The following TSPAN19 variants were observed in gnomAD, a reference collection of about 807,000 sequenced individuals.
The protein encoded by TSPAN19 is tetraspanin-19.
Under a neutral mutation model 35.1 loss-of-function variants are expected in TSPAN19, and 44 were observed. The ratio of observed to expected loss-of-function variants is 1.25; its 90% confidence interval spans 0.98 to 1.61. The LOEUF (loss-of-function observed/expected upper bound fraction) is 1.61, where lower values mean the gene tolerates loss of function less well. Ranked by LOEUF, TSPAN19 falls within the 40% of genes most tolerant of loss-of-function variation. The pLI is 0.00. For synonymous variants in TSPAN19, 79 were observed against 92.0 expected (o/e 0.86, Z 0.81); for missense variants, 290 against 280.0 (o/e 1.04, Z -0.26).
Position 85,017,520 on chromosome 12 carries a change from G to C in TSPAN19, c.530C>G (p.Ser177Cys), listed in dbSNP as rs199737105. ...TTTTCTTAAAGTTGACTTTGTGCAA[G>C]AACATGGCACCTGTCCTGAATTTTC... ...NKENSGQVPCSCTKSTLRKWF... is the reference protein window; with the variant it reads ...NKENSGQVPCCCTKSTLRKWF... Residue 177 changes from serine to cysteine, a missense_variant, in exon 7 of 9, where the codon TCT becomes TGT. Physicochemically the swap from Ser to Cys is moderately radical, Grantham distance 112 (BLOSUM62 -1). Transcript: ENST00000532498. The C allele has an allele frequency of 4.4e-5, 70 of 1,605,288 alleles. No homozygotes were observed. The highest frequency in any genetic ancestry group is 5.5e-5 in the Non-Finnish European group (65 of 1,175,250).
intron 1 of TSPAN19, chr12:85,035,127 T>A (rs1877896858): frequency 6.6e-6 from 1 of 152,082 alleles, no homozygotes; most frequent in Non-Finnish European, 1.5e-5. Context: ...ACACAGTAGC[T>A]CATACCTATA....
chr12:85,017,513 TG>T lies in TSPAN19; in HGVS notation c.536del (p.Thr179LysfsTer5), dbSNP rs1159294445. On this transcript the variant is annotated frameshift_variant, in exon 7 of 9. Transcript: ENST00000532498. LOFTEE classifies it high-confidence loss of function. ...AAAACCATTTTCTTAAAGTTGACTT[TG>T]TGCAAGAACATGGCACCTGTCCTGA... ...ENSGQVPCSC[T>X]KSTLRKWFCD... 6.2e-7 allele frequency: 1 copy of T among 1,607,012 alleles called. No homozygotes were observed. Among genetic ancestry groups the T allele is most frequent in the Admixed American group, 1.7e-5 (1 of 59,240 alleles).
At chr12:85,026,198 T>C (rs1345973184) in intron 4 of TSPAN19, among the ~76,000 whole-genome samples, 2 of 152,138 alleles carry the variant, frequency 1.3e-5, no homozygotes, top group Non-Finnish European at 2.9e-5. Flanking sequence ...ATTGTATAAG[T>C]AGTAGACTCT....
At chr12:85,029,629 A>T in intron 3 of TSPAN19, 90 bp downstream of exon 3, 1 of 1,012,998 alleles carries the variant, frequency 9.9e-7, no homozygotes, top group Non-Finnish European at 1.4e-6. Context: ...ATTACAGAGA[A>T]ATACTGCCAC....
rs768344594 is a variant in TSPAN19, at chr12:85,019,720, T to C, written c.356A>G (p.His119Arg). ...AGAAATGACAAAATCAATTTTGTCA[T>C]GCCATAGTTGCTGAACCTGTAGAAA... Reference protein sequence around the residue: ...TKKEEVQQLWHDKIDFVISEY... With the variant: ...TKKEEVQQLWRDKIDFVISEY... The change falls in exon 6 of 9, where the codon CAT becomes CGT. Residue 119 changes from histidine (H) to arginine (R), a missense_variant. By Grantham distance (29) the His-to-Arg change is conservative. Transcript: ENST00000532498. 1.1e-5 allele frequency: 17 copies of C among 1,602,760 alleles called. No homozygotes were observed. Among genetic ancestry groups the C allele is most frequent in the Middle Eastern group, 1.7e-4 (1 of 6,012 alleles).
chr12:85,030,833 T>A (rs1275037981), intron 1 of TSPAN19, among the ~76,000 whole-genome samples: 7 of 152,236 alleles, frequency 4.6e-5, no homozygotes, highest in African/African-American at 1.7e-4. Flanking sequence ...TCAAATCTAA[T>A]CTTGAGTATG....
At chr12:85,031,040 A>G (rs936867491) in intron 1 of TSPAN19, among the ~76,000 whole-genome samples, 1 of 152,080 alleles carries the variant, frequency 6.6e-6, no homozygotes, top group African/African-American at 2.4e-5. Context: ...GAACTGAAGG[A>G]TCCTTTGAAA....
Position 85,014,463 on chromosome 12 carries a change from T to C in TSPAN19, c.*24A>G, listed in dbSNP as rs1191528131. 6.5e-7 allele frequency: 1 copy of C among 1,550,096 alleles called. No homozygotes were observed. Among genetic ancestry groups the C allele is most frequent in the Non-Finnish European group, 8.8e-7 (1 of 1,133,144 alleles). ...ATTTTTTAAGAATTAACTGGTTTCT[T>C]CTGAACAAATTGAAATCCAAAGGTC... On this transcript the variant is annotated 3_prime_UTR_variant, in exon 9 of 9. Transcript: ENST00000532498.
At chr12:85,035,938 C>A (rs1314250884) in intron 1 of TSPAN19, among the ~76,000 whole-genome samples, 1 of 150,008 alleles carries the variant, frequency 6.7e-6, no homozygotes, top group Non-Finnish European at 1.5e-5. Context: ...CTTTTCTTTT[C>A]TTTTTTAAAA....
At chr12:85,019,518 T>C in intron 6 of TSPAN19, 108 bp downstream of exon 6, 1 of 652,870 alleles carries the variant, frequency 1.5e-6, no homozygotes, top group Non-Finnish European at 2.7e-6. Context: ...TTGAAAGAAA[T>C]ACAACAAACT....
At chr12:85,028,297 G>C (rs888968987) in intron 3 of TSPAN19, among the ~76,000 whole-genome samples, 1 of 152,048 alleles carries the variant, frequency 6.6e-6, no homozygotes, top group Non-Finnish European at 1.5e-5. Flanking sequence ...TGTCTTCTAT[G>C]ATAGAATAAA....
intron 7 of TSPAN19, chr12:85,017,116 C>G (rs1276416819): frequency 4.5e-6 from 1 of 220,570 alleles, no homozygotes; most frequent in Non-Finnish European, 8.8e-6. Context: ...GGTGTTTTAG[C>G]TCCCTTTCCA....
At chr12:85,015,575 C>CAT (rs924096945) in intron 8 of TSPAN19, 3 of 181,694 alleles carry the variant, frequency 1.7e-5, no homozygotes, top group African/African-American at 7.1e-5. Flanking sequence ...CACACACACA[C>CAT]ACACACACAC....
At chr12:85,019,145 A>C (rs1329736696) in intron 6 of TSPAN19, among the ~76,000 whole-genome samples, 1 of 151,882 alleles carries the variant, frequency 6.6e-6, no homozygotes, top group Non-Finnish European at 1.5e-5. Context: ...TAGAATATCT[A>C]TATATTACTT....
At chr12:85,034,952 T>A (rs960174862) in intron 1 of TSPAN19, among the ~76,000 whole-genome samples, 4 of 152,180 alleles carry the variant, frequency 2.6e-5, no homozygotes, top group Non-Finnish European at 5.9e-5. Flanking sequence ...AATTATTTGA[T>A]TATGAAAACT....
At chr12:85,022,230 C>T (rs924822113) in intron 5 of TSPAN19, among the ~76,000 whole-genome samples, 3 of 152,024 alleles carry the variant, frequency 2.0e-5, no homozygotes, top group African/African-American at 7.2e-5. Flanking sequence ...CACACGCACA[C>T]ACACACACAC....
At chr12:85,015,098 G>T (rs960167271) in intron 8 of TSPAN19, 1 of 151,864 alleles carries the variant, frequency 6.6e-6, no homozygotes, top group Admixed American at 6.6e-5. Context: ...GACTAAAATT[G>T]TTACCAATTG....
At chr12:85,031,225 C>T (rs1877670471) in intron 1 of TSPAN19, among the ~76,000 whole-genome samples, 1 of 152,080 alleles carries the variant, frequency 6.6e-6, no homozygotes, top group South Asian at 2.1e-4. Context: ...TTCTACTTTC[C>T]ATCCTATTGT....
chr12:85,032,657 GC>G (rs1402041648), intron 1 of TSPAN19, among the ~76,000 whole-genome samples: 2 of 152,090 alleles, frequency 1.3e-5, no homozygotes, highest in Admixed American at 6.6e-5. Context: ...TCATGTGTTG[GC>G]TTTTTCAGCC....
Sources: gnomAD v4.1 joint callset for allele counts (sites outside exome capture counted in the v4.1 genomes callset) on GRCh38, gnomAD v4.1.1 for gene constraint, MANE v1.5 for transcripts, NCBI Gene and HGNC (gene_info 2026-07-23, HGNC 2026-07-21) for gene names.